AOAH: variants seen among roughly 807,000 people sequenced by gnomAD.
The protein encoded by AOAH is acyloxyacyl hydrolase (neutrophil).
AOAH carries 64 observed loss-of-function variants against 92.2 expected under a neutral mutation model. The ratio of observed to expected loss-of-function variants is 0.69; its 90% CI spans 0.57 to 0.86. The LOEUF is 0.86. AOAH is among the 40% of genes least tolerant of loss of function. AOAH has a pLI of 0.00. For missense variants in AOAH, 656 were observed against 694.6 expected (o/e 0.94, Z 0.62); for synonymous variants, 263 against 254.5 (o/e 1.03, Z -0.32).
chr7:36,636,830 T>C (rs1253982086), intron 5 of AOAH, among the ~76,000 whole-genome samples: 1 of 152,244 alleles, frequency 6.6e-6, no homozygotes, highest in East Asian at 1.9e-4. Flanking sequence ...CCCATATTTT[T>C]ACTTGCGAAA....
chr7:36,585,344 T>C (rs1789245106), intron 12 of AOAH, among the ~76,000 whole-genome samples: 1 of 151,864 alleles, frequency 6.6e-6, no homozygotes, highest in Non-Finnish European at 1.5e-5. Context: ...GTGGAAAAAA[T>C]TAAGAAGATG....
intron 12 of AOAH, among the ~76,000 whole-genome samples, chr7:36,577,722 AATGTT>A (rs1788623846): frequency 6.6e-6 from 1 of 152,178 alleles, no homozygotes; most frequent in Non-Finnish European, 1.5e-5. Flanking sequence ...AATGTAATTA[AATGTT>A]ATGTTCTCTA....
chr7:36,569,168 T>A (rs1787921108), intron 13 of AOAH, among the ~76,000 whole-genome samples: 1 of 152,198 alleles, frequency 6.6e-6, no homozygotes, highest in South Asian at 2.1e-4. Context: ...AAACATGCCG[T>A]TAGGCACTTT....
Position 36,715,266 on chromosome 7 carries a change from A to G in AOAH, c.127+8756T>C, listed in dbSNP as rs552448893. 2.5e-3 allele frequency among the ~76,000 whole-genome samples: 386 copies of G among 152,306 alleles called. 1 individual carries two copies. Among genetic ancestry groups the G allele is most frequent in the Non-Finnish European group, 4.2e-3 (287 of 68,024 alleles). On this transcript the variant is annotated intron_variant, in intron 1 of 20. Coordinates refer to ENST00000617537, the MANE Select transcript of AOAH (RefSeq NM_001637.4). ...AAAATACCTAGGAATACAACTTACAAGGGACATGAAGGACCTCTTCAGGGA... is the reference window on the plus strand; with the variant it reads ...AAAATACCTAGGAATACAACTTACAGGGGACATGAAGGACCTCTTCAGGGA...
chr7:36,697,947 G>A (rs1311588940), intron 1 of AOAH, among the ~76,000 whole-genome samples: 5 of 152,182 alleles, frequency 3.3e-5, no homozygotes, highest in African/African-American at 1.2e-4. Flanking sequence ...AGGATTGCTG[G>A]CAACCACCAG....
rs1584037930 is a variant in AOAH, at chr7:36,653,595, T to A, written c.390+5571A>T. Among the ~76,000 whole-genome samples the A allele has an allele frequency of 6.6e-5, 10 of 152,290 alleles. No individual in the cohort carries two copies. In the South Asian group the frequency reaches 2.1e-3, roughly 32 times the overall value. ...GTTCTTGTAGAAATGCAACTCACTG[T>A]GGGAAAAGCTGTTTCAAAGTCTGGG... On this transcript the variant is annotated intron_variant, in intron 4 of 20. Coordinates refer to ENST00000617537, the MANE Select transcript of AOAH (RefSeq NM_001637.4).
intron 4 of AOAH, among the ~76,000 whole-genome samples, chr7:36,641,482 G>C (rs1341238736): frequency 6.6e-6 from 1 of 152,110 alleles, no homozygotes; most frequent in South Asian, 2.1e-4. Context: ...AGGGCATGTA[G>C]GCAACAAGTG....
intron 15 of AOAH, among the ~76,000 whole-genome samples, chr7:36,548,256 G>A (rs1455763156): frequency 6.6e-6 from 1 of 152,182 alleles, no homozygotes; most frequent in Non-Finnish European, 1.5e-5. Flanking sequence ...CACGATCTCA[G>A]CTCATGGCAA....
chr7:36,649,112 C>T (rs553133757), intron 4 of AOAH, among the ~76,000 whole-genome samples: 4 of 152,246 alleles, frequency 2.6e-5, no homozygotes, highest in South Asian at 2.1e-4. Flanking sequence ...CTAATGTGTA[C>T]GTATACAATA....
chr7:36,544,928 C>A lies in AOAH; in HGVS notation c.1133+3684G>T, dbSNP rs544288602. 5.3e-5 allele frequency among the ~76,000 whole-genome samples: 8 copies of A among 152,332 alleles called. No homozygotes were observed. The South Asian group carries it at 1.7e-3, about 32-fold the overall frequency. ...TCACTGTAGTGATCAAGTGCTCACA[C>A]CTCACTCACAGCTAGCATTTGTGTT... On this transcript the variant is annotated intron_variant, in intron 15 of 20. Coordinates refer to ENST00000617537, the MANE Select transcript of AOAH (RefSeq NM_001637.4).
At chr7:36,515,025 C>A (rs1031296257) in intron 20 of AOAH, among the ~76,000 whole-genome samples, 2 of 151,800 alleles carry the variant, frequency 1.3e-5, no homozygotes, top group Non-Finnish European at 2.9e-5. Context: ...TAATCTCGGT[C>A]ATGTCCATGC....
chr7:36,593,310 CAAAT>C (rs1239805040), intron 12 of AOAH, among the ~76,000 whole-genome samples: 5 of 152,168 alleles, frequency 3.3e-5, no homozygotes, highest in African/African-American at 1.2e-4. Context: ...TAAAAATCAT[CAAAT>C]AAATTATTCA....
intron 15 of AOAH, among the ~76,000 whole-genome samples, chr7:36,547,344 C>T (rs1380719790): frequency 6.6e-6 from 1 of 152,208 alleles, no homozygotes; most frequent in African/African-American, 2.4e-5. Flanking sequence ...GTATCTCCTG[C>T]CCTGAACACA....
rs565048941 is a variant in AOAH, at chr7:36,676,203, G to A, written c.224-2194C>T. Reference sequence around the variant, plus strand: ...TCTTGTGGCTGATATGATCTTCCATGTAGAAAATCCTAAGGAATCTATTAA... The same window carrying A: ...TCTTGTGGCTGATATGATCTTCCATATAGAAAATCCTAAGGAATCTATTAA... On this transcript the variant is annotated intron_variant, in intron 2 of 20. Coordinates refer to ENST00000617537, the MANE Select transcript of AOAH (RefSeq NM_001637.4). Among the ~76,000 whole-genome samples, 7 of 152,302 alleles carry A rather than the reference G, an allele frequency of 4.6e-5. No homozygotes were observed. In the South Asian group the frequency reaches 1.4e-3, roughly 32 times the overall value.
At position 36,659,026 on chromosome 7, in the gene AOAH, T is replaced by C. The variant is rs533567601; in HGVS notation, c.390+140A>G. Reference sequence around the variant, plus strand: ...GCCAAAATGCAGGAATATTATTTCTTGCGGGGTAATTGAAAATGTCATCTT... The same window carrying C: ...GCCAAAATGCAGGAATATTATTTCTCGCGGGGTAATTGAAAATGTCATCTT... On this transcript the variant is annotated intron_variant, in intron 4 of 20. Transcript: ENST00000617537. 1.8e-5 allele frequency: 13 copies of C among 705,314 alleles called. No individual in the cohort carries two copies. In the African/African-American group the frequency reaches 1.9e-4, roughly 10 times the overall value. The allele number at this position is 705,314 out of a possible 1,614,324, so 43.7% of individuals were successfully genotyped here. A position where few individuals can be genotyped will look rare whatever the true frequency, so the allele number is the denominator to read the frequency against.
intron 1 of AOAH, among the ~76,000 whole-genome samples, chr7:36,711,587 G>A (rs762115170): frequency 5.3e-5 from 8 of 152,186 alleles, no homozygotes; most frequent in Admixed American, 1.3e-4. Flanking sequence ...TTGTGCTAAA[G>A]TTGGGGTTAA....
chr7:36,669,795 A>G (rs1296318532), intron 3 of AOAH, among the ~76,000 whole-genome samples: 1 of 152,234 alleles, frequency 6.6e-6, no homozygotes, highest in Non-Finnish European at 1.5e-5. Flanking sequence ...TTAGTAGTTT[A>G]TGCCTGTCCT....
rs116030285 is a variant in AOAH at position 36,536,414 on chromosome 7, C to T, written c.1306+3905G>A. ...TCTTTGCACAGCACTGTTAGCACAA[C>T]CCTTAACACGGTGCCCAGGAATCAG... On this transcript the variant is annotated intron_variant, in intron 16 of 20. Transcript: ENST00000617537. Among the ~76,000 whole-genome samples the T allele has an allele frequency of 7.8e-3, 1,183 of 152,148 alleles. 16 individuals are homozygous for T. The highest frequency in any genetic ancestry group is 0.027 in the African/African-American group (1,136 of 41,496).
chr7:36,539,649 A>G (rs1785288785), intron 16 of AOAH, among the ~76,000 whole-genome samples: 1 of 152,220 alleles, frequency 6.6e-6, no homozygotes, highest in South Asian at 2.1e-4. Flanking sequence ...ATATTCAGTG[A>G]GCTCTGTGGC....
Sources: allele counts gnomAD v4.1 joint callset (sites outside exome capture counted in the v4.1 genomes callset), GRCh38; gene constraint gnomAD v4.1.1; transcripts MANE v1.5; gene names NCBI Gene and HGNC (gene_info 2026-07-23, HGNC 2026-07-21).